Variants in EFNA5 observed in about 807,000 individuals in gnomAD.
EFNA5 encodes ephrin-A5.
EFNA5 carries 5 observed loss-of-function variants against 22.9 expected under a neutral mutation model. The ratio of observed to expected loss-of-function variants is 0.22; its 90% CI spans 0.11 to 0.46. EFNA5 has a LOEUF of 0.46. EFNA5 is among the 20% of genes least tolerant of loss of function. The pLI is 0.99. For missense variants in EFNA5, 237 were observed against 293.3 expected, an observed-to-expected ratio of 0.81 and a Z score of 1.40; for synonymous variants, 113 against 112.2, an observed-to-expected ratio of 1.01 and a Z score of -0.04.
At chr5:107,617,921 G>A (rs1749956994) in intron 1 of EFNA5, among the ~76,000 whole-genome samples, 1 of 152,040 alleles carries the variant, frequency 6.6e-6, no homozygotes, top group Non-Finnish European at 1.5e-5. Flanking sequence ...AGCTACTCAC[G>A]AAGCGGAGGT....
chr5:107,646,461 T>C (rs908346416), intron 1 of EFNA5, among the ~76,000 whole-genome samples: 2 of 152,268 alleles, frequency 1.3e-5, no homozygotes, highest in South Asian at 2.1e-4. Flanking sequence ...TTGACTACTG[T>C]AAACAAAAAG....
intron 1 of EFNA5, among the ~76,000 whole-genome samples, chr5:107,506,619 G>C (rs570073216): frequency 6.6e-6 from 1 of 152,072 alleles, no homozygotes; most frequent in Non-Finnish European, 1.5e-5. Flanking sequence ...AGGTGTGGAG[G>C]GTGGGCAGCC....
intron 1 of EFNA5, among the ~76,000 whole-genome samples, chr5:107,631,858 A>C (rs1750261410): frequency 6.6e-6 from 1 of 152,208 alleles, no homozygotes; most frequent in Non-Finnish European, 1.5e-5. Context: ...ATTTATATGC[A>C]ATTTATTAGG....
chr5:107,386,148 CAAAAAAAAA>C (rs33964723), intron 4 of EFNA5, among the ~76,000 whole-genome samples: 4 of 79,492 alleles, frequency 5.0e-5, no homozygotes, highest in East Asian at 8.6e-4. Flanking sequence ...AGAAATTCTA[CAAAAAAAAA>C]AAAAAAAAAA....
intron 1 of EFNA5, among the ~76,000 whole-genome samples, chr5:107,505,176 A>T (rs1276795908): frequency 6.6e-6 from 1 of 152,218 alleles, no homozygotes; most frequent in Non-Finnish European, 1.5e-5. Flanking sequence ...AAATATTCGT[A>T]GTTTATAATT....
At chr5:107,495,601 A>C (rs1050677118) in intron 1 of EFNA5, among the ~76,000 whole-genome samples, 2 of 152,208 alleles carry the variant, frequency 1.3e-5, no homozygotes, top group African/African-American at 2.4e-5. Flanking sequence ...TTGACTCCAC[A>C]GAATATGCAG....
At position 107,387,712 on chromosome 5, in the gene EFNA5, G is replaced by T; in HGVS notation, c.478C>A (p.Pro160Thr). 1 of 1,611,318 alleles carries T rather than the reference G, an allele frequency of 6.2e-7. No individual in the cohort carries two copies. Among genetic ancestry groups the T allele is most frequent in the Non-Finnish European group, 8.5e-7 (1 of 1,178,100 alleles). Residue 160 changes from proline (P) to threonine (T), a missense_variant, in exon 3 of 5, where the codon CCA becomes ACA. Physicochemically the swap from Pro to Thr is conservative, Grantham distance 38. Coordinates refer to ENST00000333274, the MANE Select transcript of EFNA5 (RefSeq NM_001962.3). ...SCLKLKVFVR[P>T]TNSCMKTIGV... is the part of the protein sequence containing the mutation. ...CTCATTCTAGTGAACTTACTTGTTG[G>T]TCTCACAAAGACTTTGAGCTTTAGA...
At chr5:107,506,087 T>C (rs1248972429) in intron 1 of EFNA5, 1 of 152,304 alleles carries the variant, frequency 6.6e-6, no homozygotes, top group Non-Finnish European at 1.5e-5. Flanking sequence ...ACTTACGCTT[T>C]ATTTGTGTAC....
At chr5:107,630,253 G>A (rs1750221257) in intron 1 of EFNA5, among the ~76,000 whole-genome samples, 1 of 152,116 alleles carries the variant, frequency 6.6e-6, no homozygotes, top group Admixed American at 6.6e-5. Context: ...TAATGAAGGA[G>A]AAATGTTCTG....
At chr5:107,612,722 C>A (rs1261088340) in intron 1 of EFNA5, among the ~76,000 whole-genome samples, 1 of 152,040 alleles carries the variant, frequency 6.6e-6, no homozygotes, top group Non-Finnish European at 1.5e-5. Flanking sequence ...AATATAAAGA[C>A]CAGGGTTGTG....
At chr5:107,471,954 G>T (rs1750152474) in intron 1 of EFNA5, among the ~76,000 whole-genome samples, 1 of 152,144 alleles carries the variant, frequency 6.6e-6, no homozygotes, top group Non-Finnish European at 1.5e-5. Flanking sequence ...TTATATCCAT[G>T]TCCATACGTT....
intron 1 of EFNA5, among the ~76,000 whole-genome samples, chr5:107,647,533 T>C (rs1258577720): frequency 6.6e-6 from 1 of 152,158 alleles, no homozygotes; most frequent in East Asian, 1.9e-4. Flanking sequence ...ATTACAGAAT[T>C]ATAAAATAAT....
chr5:107,381,929 T>C (rs1046422138), intron 4 of EFNA5, among the ~76,000 whole-genome samples: 3 of 152,222 alleles, frequency 2.0e-5, no homozygotes, highest in South Asian at 2.1e-4. Flanking sequence ...GGATAAACTA[T>C]ACATCATGCC....
intron 1 of EFNA5, among the ~76,000 whole-genome samples, chr5:107,574,359 C>A (rs1167919656): frequency 4.2e-5 from 5 of 118,030 alleles, no homozygotes; most frequent in African/African-American, 1.5e-4. Context: ...GGAGCCCTCC[C>A]TTGCAAAAAA....
chr5:107,491,565 C>T (rs1746807558), intron 1 of EFNA5, among the ~76,000 whole-genome samples: 1 of 152,224 alleles, frequency 6.6e-6, no homozygotes, highest in Non-Finnish European at 1.5e-5. Flanking sequence ...CCTGCCTTGG[C>T]CTCCCAAAGT....
chr5:107,386,464 G>A (rs1221848900), intron 4 of EFNA5, among the ~76,000 whole-genome samples: 1 of 152,208 alleles, frequency 6.6e-6, no homozygotes. Flanking sequence ...TCCATAGTAT[G>A]CGACAGACTA....
intron 2 of EFNA5, among the ~76,000 whole-genome samples, chr5:107,395,514 G>A (rs1229816655): frequency 6.6e-6 from 1 of 152,132 alleles, no homozygotes; most frequent in African/African-American, 2.4e-5. Flanking sequence ...TTAACATGAA[G>A]AAATATAGTT....
At chr5:107,452,248 G>A (rs550963267) in intron 1 of EFNA5, among the ~76,000 whole-genome samples, 34 of 152,040 alleles carry the variant, frequency 2.2e-4, no homozygotes, top group Non-Finnish European at 2.4e-4. Context: ...CTTAGAGGAC[G>A]GGTCAATAGG....
At chr5:107,665,737 CT>C (rs1751052581) in intron 1 of EFNA5, among the ~76,000 whole-genome samples, 1 of 152,074 alleles carries the variant, frequency 6.6e-6, no homozygotes, top group Non-Finnish European at 1.5e-5. Context: ...TAGAACATAT[CT>C]TAGTAGCTAA....
Sources: allele counts gnomAD v4.1 joint callset (sites outside exome capture counted in the v4.1 genomes callset), GRCh38; gene constraint gnomAD v4.1.1; transcripts MANE v1.5; gene names NCBI Gene and HGNC (gene_info 2026-07-23, HGNC 2026-07-21).